CMTM4: variants seen among roughly 807,000 people sequenced by gnomAD.
The protein encoded by CMTM4 is CKLF-like MARVEL transmembrane domain-containing protein 4.
Under a neutral mutation model 19.0 loss-of-function variants are expected in CMTM4, and 8 were observed. The observed-to-expected ratio is 0.42, with a 90% CI of 0.25 to 0.76. The LOEUF (loss-of-function observed/expected upper bound fraction) is 0.76, where lower values mean the gene tolerates loss of function less well. Ranked by LOEUF, CMTM4 falls within the 30% of genes least tolerant of loss-of-function variation. CMTM4 has a pLI of 0.27. For synonymous variants in CMTM4, 106 were observed against 121.1 expected (o/e 0.88, Z 0.82); for missense variants, 228 against 290.2 (o/e 0.79, Z 1.56).
chr16:66,663,532 C>CTTTTTTTTTT (rs1178140315), intron 1 of CMTM4, among the ~76,000 whole-genome samples: 7 of 55,258 alleles, frequency 1.3e-4, no homozygotes, highest in Non-Finnish European at 2.1e-4. Flanking sequence ...TTTTCATTTG[C>CTTTTTTTTTT]TTTTTTTTTT....
chr16:66,624,037 T>C (rs182375792), intron 2 of CMTM4, among the ~76,000 whole-genome samples: 1 of 152,354 alleles, frequency 6.6e-6, no homozygotes, highest in African/African-American at 2.4e-5. Context: ...ACAGCATGCA[T>C]CCACCGTTTC....
In CMTM4 at chr16:66,622,207, C is replaced by T. The variant is rs2015651996; in HGVS notation, c.478G>A (p.Ala160Thr). The change falls in exon 4 of 4, where the codon GCG becomes ACG. Residue 160 changes from alanine to threonine, a missense_variant. Coordinates refer to ENST00000394106, the MANE Select transcript of CMTM4 (RefSeq NM_181521.3). This position sits in a 1 kb window ranked among gnomAD's most constrained non-coding sequence, Gnocchi z 4.0. ...EIAAVIFGFL[A>T]TAAYAVNTFL... ...GTGTTCACTGCATATGCCGCAGTCGCCAAGAAGCCAAATATCTAAAAACAC... is the reference window on the plus strand; with the variant it reads ...GTGTTCACTGCATATGCCGCAGTCGTCAAGAAGCCAAATATCTAAAAACAC... The T allele has an allele frequency of 6.2e-7, 1 of 1,613,714 alleles. No individual in the cohort carries two copies. The highest frequency in any genetic ancestry group is 1.3e-5 in the African/African-American group (1 of 74,920).
rs1236393987 is a variant in CMTM4 at position 66,619,616 on chromosome 16, G to A, written c.*2442C>T. 1.8e-5 allele frequency: 18 copies of A among 985,076 alleles called. No homozygotes were observed. The Admixed American group carries it at 2.5e-4, about 13-fold the overall frequency. The allele number at this position is 985,076 out of a possible 1,614,324, so 61.0% of individuals were successfully genotyped here. A position where few individuals can be genotyped will look rare whatever the true frequency, so the allele number is the denominator to read the frequency against. Reference sequence around the variant, plus strand: ...GAGGCAATATAAGAAAAATATAGGCGTCTTCATATTCACCTTGGATAACCC... The same window carrying A: ...GAGGCAATATAAGAAAAATATAGGCATCTTCATATTCACCTTGGATAACCC... On this transcript the variant is annotated 3_prime_UTR_variant, in exon 4 of 4. Coordinates refer to ENST00000394106, the MANE Select transcript of CMTM4 (RefSeq NM_181521.3).
At chr16:66,626,080 C>T (rs117230859) in intron 2 of CMTM4, among the ~76,000 whole-genome samples, 2 of 152,312 alleles carry the variant, frequency 1.3e-5, no homozygotes, top group East Asian at 3.9e-4. Flanking sequence ...GCAGCCAACT[C>T]AACTGCAAGA....
Position 66,621,974 on chromosome 16 carries a change from A to G in CMTM4, c.*84T>C. ...AGAGGACAAAATTCAACTGAATCAC[A>G]TGGAAATCTGACAGGACAAGGGAAA... On this transcript the variant is annotated 3_prime_UTR_variant, in exon 4 of 4. Transcript: ENST00000394106. The G allele has an allele frequency of 6.7e-7, 1 of 1,484,438 alleles. No homozygotes were observed. Among genetic ancestry groups the G allele is most frequent in the South Asian group, 1.3e-5 (1 of 76,570 alleles). The allele number at this position is 1,484,438 out of a possible 1,614,324, so 92.0% of individuals were successfully genotyped here. A position where few individuals can be genotyped will look rare whatever the true frequency, so the allele number is the denominator to read the frequency against.
chr16:66,649,867 G>A (rs966268469), intron 1 of CMTM4, among the ~76,000 whole-genome samples: 5 of 151,796 alleles, frequency 3.3e-5, no homozygotes, highest in South Asian at 2.1e-4. Context: ...GAAAGGCCAC[G>A]CCCCAGGCAA....
Position 66,621,910 on chromosome 16 carries a change from C to T in CMTM4, c.*148G>A, listed in dbSNP as rs2015642934. On this transcript the variant is annotated 3_prime_UTR_variant, in exon 4 of 4. Transcript: ENST00000394106. The stretch of plus-strand genomic sequence containing the variant: ...CTCCACCGCGGACCCGCCCACTGGG[C>T]CACTCGGGAAACCCTTTCCCAAAAT... The T allele has an allele frequency of 2.1e-6, 3 of 1,437,198 alleles. No individual in the cohort carries two copies. The highest frequency in any genetic ancestry group is 2.9e-5 in the African/African-American group (2 of 69,894). The allele number at this position is 1,437,198 out of a possible 1,614,324, so 89.0% of individuals were successfully genotyped here. A position where few individuals can be genotyped will look rare whatever the true frequency, so the allele number is the denominator to read the frequency against.
chr16:66,620,486 T>C lies in CMTM4; in HGVS notation c.*1572A>G. 2 of 985,482 alleles carry C rather than the reference T, an allele frequency of 2.0e-6. No individual in the cohort carries two copies. Among genetic ancestry groups the C allele is most frequent in the Middle Eastern group, 5.2e-4 (1 of 1,916 alleles). The allele number at this position is 985,482 out of a possible 1,614,324, so 61.0% of individuals were successfully genotyped here. A position where few individuals can be genotyped will look rare whatever the true frequency, so the allele number is the denominator to read the frequency against. ...CCAACTCCGACCCCCAGCCCAGCAG[T>C]GTTGCCTGATCAACACTGTGAGCTC... On this transcript the variant is annotated 3_prime_UTR_variant, in exon 4 of 4. Coordinates refer to ENST00000394106, the MANE Select transcript of CMTM4 (RefSeq NM_181521.3).
At chr16:66,685,976 C>T (rs1311217421) in intron 1 of CMTM4, among the ~76,000 whole-genome samples, 1 of 151,620 alleles carries the variant, frequency 6.6e-6, no homozygotes, top group Non-Finnish European at 1.5e-5. Context: ...GTTCTGGAGC[C>T]GGGCATGGTG....
rs957560916 is a variant in CMTM4, at chr16:66,633,104, TATATATATATATAA to T, written c.363+3287_363+3300del. Among the ~76,000 whole-genome samples, 10 of 24,820 alleles carry T rather than the reference TATATATATATATAA, an allele frequency of 4.0e-4. 1 individual carries two copies. Among genetic ancestry groups the T allele is most frequent in the East Asian group, 3.6e-3 (1 of 278 alleles). The allele number at this position is 24,820 out of a possible 152,430, so 16.3% of individuals were successfully genotyped here. A position where few individuals can be genotyped will look rare whatever the true frequency, so the allele number is the denominator to read the frequency against. The stretch of plus-strand genomic sequence containing the variant: ...CCGTTTCAAAATATATATATATAAA[TATATATATATATAA>T]ATATATATATATAAATATATATATA... On this transcript the variant is annotated intron_variant, in intron 2 of 3. Transcript: ENST00000394106.
chr16:66,689,247 A>G (rs1184963494), intron 1 of CMTM4, among the ~76,000 whole-genome samples: 1 of 152,228 alleles, frequency 6.6e-6, no homozygotes, highest in African/African-American at 2.4e-5. Flanking sequence ...GTAACATTAT[A>G]TATTACAGTA....
At chr16:66,666,234 C>T (rs981742858) in intron 1 of CMTM4, among the ~76,000 whole-genome samples, 10 of 152,142 alleles carry the variant, frequency 6.6e-5, no homozygotes, top group Non-Finnish European at 1.0e-4. Context: ...AGGCGGATCA[C>T]AAGGTCAGGA....
the CMTM4 span, chr16:66,609,349 C>A: frequency 2.5e-6 from 3 of 1,194,028 alleles, 1 homozygote; most frequent in South Asian, 2.6e-5. This position sits in a 1 kb window ranked among gnomAD's most constrained non-coding sequence, Gnocchi z 4.4. Flanking sequence ...AGGCCTGGGG[C>A]TGGGAACACG....
intron 1 of CMTM4, among the ~76,000 whole-genome samples, chr16:66,644,703 C>G (rs961032003): frequency 1.3e-5 from 2 of 152,174 alleles, no homozygotes; most frequent in African/African-American, 4.8e-5. Flanking sequence ...TTGGCAGCAG[C>G]CTTTTGGAAC....
intron 1 of CMTM4, among the ~76,000 whole-genome samples, chr16:66,676,565 G>A (rs538251838): frequency 9.8e-5 from 15 of 152,288 alleles, no homozygotes; most frequent in Non-Finnish European, 1.5e-4. Flanking sequence ...CAAGGGAGGC[G>A]CACAATAACT....
intron 1 of CMTM4, among the ~76,000 whole-genome samples, chr16:66,676,831 T>C (rs771123308): frequency 6.6e-6 from 1 of 152,184 alleles, no homozygotes; most frequent in Non-Finnish European, 1.5e-5. Flanking sequence ...GTTTATAAAC[T>C]TACTACAGTA....
rs565279189 is a variant in CMTM4 at position 66,621,179 on chromosome 16, C to T, written c.*879G>A. The T allele has an allele frequency of 1.0e-6, 1 of 985,558 alleles. No homozygotes were observed. The highest frequency in any genetic ancestry group is 1.2e-6 in the Non-Finnish European group (1 of 829,928). 61.1% of individuals were successfully genotyped at this position (985,558 alleles called of 1,614,324 possible). A position where few individuals can be genotyped will look rare whatever the true frequency, so the allele number is the denominator to read the frequency against. On this transcript the variant is annotated 3_prime_UTR_variant, in exon 4 of 4. Transcript: ENST00000394106. ...GTGCATGTGTGCGCGCACGCGTGTGCATGCTGTTTTTTAACACAAACACCT... is the reference window on the plus strand; with the variant it reads ...GTGCATGTGTGCGCGCACGCGTGTGTATGCTGTTTTTTAACACAAACACCT...
chr16:66,625,236 A>G (rs2015712597), intron 2 of CMTM4, among the ~76,000 whole-genome samples: 1 of 152,110 alleles, frequency 6.6e-6, no homozygotes, highest in South Asian at 2.1e-4. Flanking sequence ...GGAGTTCGAG[A>G]CCAGCCTGAC....
chr16:66,684,032 C>A (rs2016989854), intron 1 of CMTM4, among the ~76,000 whole-genome samples: 2 of 152,124 alleles, frequency 1.3e-5, no homozygotes, highest in African/African-American at 4.8e-5. Context: ...TCCTGATCAA[C>A]CTGAAGTAAT....
Sources: gnomAD v4.1 joint callset for allele counts (sites outside exome capture counted in the v4.1 genomes callset) on GRCh38, gnomAD v4.1.1 for gene constraint, Gnocchi (gnomAD v3.1) non-coding constraint, MANE v1.5 for transcripts, NCBI Gene and HGNC (gene_info 2026-07-23, HGNC 2026-07-21) for gene names.